Variants in KATNAL2 observed in about 807,000 individuals in gnomAD.
The protein encoded by KATNAL2 is katanin p60 ATPase-containing subunit A-like 2.
Under a neutral mutation model 76.3 loss-of-function variants are expected in KATNAL2, and 52 were observed. The ratio of observed to expected loss-of-function variants is 0.68; its 90% CI spans 0.55 to 0.86. KATNAL2 has a LOEUF of 0.86. KATNAL2 is among the 40% of genes least tolerant of loss of function. KATNAL2 has a pLI of 0.00. For missense variants in KATNAL2, 660 were observed against 668.9 expected (o/e 0.99, Z 0.15); for synonymous variants, 243 against 244.2 (o/e 1.00, Z 0.05).
intron 1 of KATNAL2, among the ~76,000 whole-genome samples, chr18:46,942,090 C>T (rs1048622733): frequency 6.6e-6 from 1 of 151,878 alleles, no homozygotes; most frequent in African/African-American, 2.4e-5. Context: ...AGTAGGTAAT[C>T]GAAAAAGGTT....
rs767286646 is a variant in KATNAL2 at position 47,058,215 on chromosome 18, G to A, written c.333-20G>A. On this transcript the variant is annotated intron_variant, in intron 6 of 17. Transcript: ENST00000683218. ...AGTGGCTAGAATAATTTCTTCCAAG[G>A]TCTTTGTTCCCTCCCTTAGGATGAT... 1.8e-5 allele frequency: 27 copies of A among 1,496,910 alleles called. No individual in the cohort carries two copies. The highest frequency in any genetic ancestry group is 2.3e-5 in the Non-Finnish European group (25 of 1,073,746). The allele number at this position is 1,496,910 out of a possible 1,614,324, so 92.7% of individuals were successfully genotyped here.
At chr18:46,928,823 T>A (rs984821078) in intron 1 of KATNAL2, among the ~76,000 whole-genome samples, 2 of 152,008 alleles carry the variant, frequency 1.3e-5, no homozygotes, top group African/African-American at 4.8e-5. Context: ...TGAGACAGAG[T>A]CTCACTCTGT....
intron 1 of KATNAL2, among the ~76,000 whole-genome samples, chr18:46,929,566 G>A (rs1382179532): frequency 6.6e-6 from 1 of 151,902 alleles, no homozygotes; most frequent in Non-Finnish European, 1.5e-5. Context: ...TTTTATTGCT[G>A]AGTAGTATTC....
At chr18:47,047,906 G>A (rs1295481771) in intron 4 of KATNAL2, among the ~76,000 whole-genome samples, 1 of 152,088 alleles carries the variant, frequency 6.6e-6, no homozygotes, top group African/African-American at 2.4e-5. Context: ...ACAGGATCTT[G>A]CTGTTGCTCA....
intron 13 of KATNAL2, among the ~76,000 whole-genome samples, chr18:47,073,574 C>CT (rs2062082125): frequency 6.6e-6 from 1 of 152,174 alleles, no homozygotes; most frequent in South Asian, 2.1e-4. Flanking sequence ...AGCAGAGAAG[C>CT]TTTTTCTACC....
chr18:47,078,051 A>G (rs145262073), intron 15 of KATNAL2, among the ~76,000 whole-genome samples: 2 of 152,330 alleles, frequency 1.3e-5, no homozygotes, highest in African/African-American at 2.4e-5. Context: ...AAAAATAAGT[A>G]TAAGCCCTTT....
At chr18:47,052,559 A>G (rs2061366427) in intron 4 of KATNAL2, among the ~76,000 whole-genome samples, 1 of 152,242 alleles carries the variant, frequency 6.6e-6, no homozygotes, top group South Asian at 2.1e-4. Flanking sequence ...GCAAATGAGT[A>G]AAGACAAATC....
intron 3 of KATNAL2, among the ~76,000 whole-genome samples, chr18:46,954,840 A>G (rs1262967061): frequency 6.6e-6 from 1 of 151,958 alleles, no homozygotes; most frequent in African/African-American, 2.4e-5. Flanking sequence ...TTTTTGGTAG[A>G]GAGGGTTTCA....
intron 1 of KATNAL2, among the ~76,000 whole-genome samples, chr18:46,942,757 G>C (rs2059282328): frequency 6.6e-6 from 1 of 151,144 alleles, no homozygotes; most frequent in Non-Finnish European, 1.5e-5. Context: ...TATCATCTCT[G>C]TAATTCCTGG....
At chr18:47,035,299 G>T in intron 3 of KATNAL2, 1 of 1,611,702 alleles carries the variant, frequency 6.2e-7, no homozygotes, top group South Asian at 1.1e-5. Flanking sequence ...CTGTCCCGGC[G>T]GTCGCAGCTC....
chr18:46,921,109 T>G (rs930957970), intron 1 of KATNAL2, among the ~76,000 whole-genome samples: 1 of 152,128 alleles, frequency 6.6e-6, no homozygotes, highest in Non-Finnish European at 1.5e-5. Context: ...CCTAAGTTTT[T>G]TTGTTTGTTT....
At chr18:46,968,158 G>A (rs2060185447) in intron 3 of KATNAL2, among the ~76,000 whole-genome samples, 2 of 119,576 alleles carry the variant, frequency 1.7e-5, no homozygotes, top group African/African-American at 6.4e-5. Flanking sequence ...CACCTCCTGG[G>A]CTGCAGCGAT....
chr18:46,928,390 C>A (rs1484558865), intron 1 of KATNAL2, among the ~76,000 whole-genome samples: 1 of 152,164 alleles, frequency 6.6e-6, no homozygotes, highest in Non-Finnish European at 1.5e-5. Flanking sequence ...GCGGTGGCTG[C>A]AGAACAGCGG....
At chr18:47,046,871 A>T (rs931539058) in intron 4 of KATNAL2, among the ~76,000 whole-genome samples, 1 of 152,218 alleles carries the variant, frequency 6.6e-6, no homozygotes, top group African/African-American at 2.4e-5. Flanking sequence ...ACCATACAAA[A>T]TCATTTCGCT....
At chr18:47,049,479 G>C (rs542803332) in intron 4 of KATNAL2, among the ~76,000 whole-genome samples, 14 of 152,288 alleles carry the variant, frequency 9.2e-5, no homozygotes, top group Admixed American at 9.1e-4. Context: ...ATACCTCAAG[G>C]TGCTTTTCTG....
Position 46,942,498 on chromosome 18 carries a change from C to A in KATNAL2, c.-509-3559C>A, listed in dbSNP as rs145466491. 6.3e-3 allele frequency among the ~76,000 whole-genome samples: 958 copies of A among 152,266 alleles called. 6 individuals are homozygous for A. Among genetic ancestry groups the A allele is most frequent in the African/African-American group, 0.022 (900 of 41,544 alleles). ...GCGTGGTGGTGCGTGCCTGTAATCC[C>A]AGCTACTTGGGAGGCTGAGGCAGGG... is the stretch of plus-strand genomic sequence containing the variant. On this transcript the variant is annotated intron_variant, in intron 1 of 17. Transcript: ENST00000683218.
chr18:46,939,756 A>G (rs1193919824), intron 1 of KATNAL2, among the ~76,000 whole-genome samples: 2 of 152,194 alleles, frequency 1.3e-5, no homozygotes, highest in Admixed American at 1.3e-4. Context: ...GAGTCATACT[A>G]ATGGCAGGAC....
chr18:46,959,719 G>A (rs532674744), intron 3 of KATNAL2, among the ~76,000 whole-genome samples: 82 of 152,150 alleles, frequency 5.4e-4, no homozygotes, highest in Middle Eastern at 3.4e-3. Flanking sequence ...GATTACAGGC[G>A]TCCGCCACCA....
At chr18:46,923,170 C>G in intron 1 of KATNAL2, among the ~76,000 whole-genome samples, 1 of 149,028 alleles carries the variant, frequency 6.7e-6, no homozygotes, top group Non-Finnish European at 1.5e-5. Context: ...CCCATTAACT[C>G]GTCATTTAGC....
Sources: gnomAD v4.1 joint callset for allele counts (sites outside exome capture counted in the v4.1 genomes callset) on GRCh38, gnomAD v4.1.1 for gene constraint, MANE v1.5 for transcripts, NCBI Gene and HGNC (gene_info 2026-07-23, HGNC 2026-07-21) for gene names.